Variants in VDAC1 observed in about 807,000 individuals in gnomAD.
VDAC1 encodes the protein voltage dependent anion channel 1.
A neutral mutation model predicts 34.7 loss-of-function variants in VDAC1; 10 were observed. That is an observed-to-expected ratio of 0.29 (90% CI 0.18 to 0.49). The LOEUF (loss-of-function observed/expected upper bound fraction) is 0.49, where lower values mean the gene tolerates loss of function less well. VDAC1 is among the 20% of genes least tolerant of loss of function. VDAC1 has a pLI of 0.99. For synonymous variants in VDAC1, 130 were observed against 136.0 expected, an observed-to-expected ratio of 0.96 and a Z score of 0.30; for missense variants, 230 against 347.9, an observed-to-expected ratio of 0.66 and a Z score of 2.69.
the VDAC1 span, among the ~76,000 whole-genome samples, chr5:134,099,948 G>A: frequency 1.3e-5 from 2 of 152,204 alleles, no homozygotes; most frequent in African/African-American, 2.4e-5. Flanking sequence ...GAGTGGGAAG[G>A]GGTCCATCCC....
At chr5:133,985,903 A>G (rs1188042510) in intron 5 of VDAC1, among the ~76,000 whole-genome samples, 1 of 152,238 alleles carries the variant, frequency 6.6e-6, no homozygotes, top group Non-Finnish European at 1.5e-5. Context: ...GCCTCTGACC[A>G]GTGGTGTGCA....
At chr5:134,061,945 T>G in the VDAC1 span, among the ~76,000 whole-genome samples, 1 of 151,754 alleles carries the variant, frequency 6.6e-6, no homozygotes, top group Non-Finnish European at 1.5e-5. Flanking sequence ...TTCCCTTCAA[T>G]TCTGGATTGG....
At position 133,991,167 on chromosome 5, in the gene VDAC1, G is replaced by A. The variant is rs760904114; in HGVS notation, c.118-13C>T. The A allele has an allele frequency of 6.2e-7, 1 of 1,607,330 alleles. No individual in the cohort carries two copies. Among genetic ancestry groups the A allele is most frequent in the East Asian group, 2.2e-5 (1 of 44,902 alleles). On this transcript the variant is annotated splice_polypyrimidine_tract_variant and intron_variant, in intron 3 of 8. Coordinates refer to ENST00000265333, the MANE Select transcript of VDAC1 (RefSeq NM_003374.3). ...AGCTTGTAAATTCCTTCAAAGGAGAGAGAAGAGTCACAGCCTGCACCATAG... is the reference window on the plus strand; with the variant it reads ...AGCTTGTAAATTCCTTCAAAGGAGAAAGAAGAGTCACAGCCTGCACCATAG...
the VDAC1 span, among the ~76,000 whole-genome samples, chr5:134,097,501 G>C: frequency 1.4e-3 from 220 of 152,338 alleles, no homozygotes; most frequent in Non-Finnish European, 1.9e-3. Flanking sequence ...AAAAGCCTTT[G>C]GTTGTTGAAA....
the VDAC1 span, among the ~76,000 whole-genome samples, chr5:134,084,310 G>C: frequency 3.3e-5 from 5 of 152,180 alleles, no homozygotes; most frequent in Admixed American, 3.3e-4. Flanking sequence ...CCTCTGAAAG[G>C]CCTTGTAGGG....
the VDAC1 span, among the ~76,000 whole-genome samples, chr5:134,101,495 C>T: frequency 4.7e-5 from 7 of 150,266 alleles, no homozygotes; most frequent in South Asian, 6.3e-4. Flanking sequence ...AGGAGGCTGA[C>T]GTTGCAGTGA....
At chr5:133,978,506 T>C (rs2126910569) in intron 6 of VDAC1, among the ~76,000 whole-genome samples, 1 of 152,336 alleles carries the variant, frequency 6.6e-6, no homozygotes, top group South Asian at 2.1e-4. Flanking sequence ...ACCCAGGCAC[T>C]GCCTGATTCA....
the VDAC1 span, among the ~76,000 whole-genome samples, chr5:134,036,433 C>T: frequency 6.6e-6 from 1 of 152,124 alleles, no homozygotes; most frequent in African/African-American, 2.4e-5. Flanking sequence ...TCATGAAAGA[C>T]TGGGGAACTG....
intron 1 of VDAC1, among the ~76,000 whole-genome samples, chr5:133,998,311 T>C (rs1470351199): frequency 1.3e-5 from 2 of 152,176 alleles, no homozygotes; most frequent in Admixed American, 1.3e-4. Flanking sequence ...ATTTTCATTT[T>C]TTGTTCTGCT....
At chr5:134,045,017 C>T in the VDAC1 span, among the ~76,000 whole-genome samples, 1 of 152,196 alleles carries the variant, frequency 6.6e-6, no homozygotes, top group East Asian at 1.9e-4. Context: ...ATGCCCAGAG[C>T]AGGGGCCCAG....
the VDAC1 span, among the ~76,000 whole-genome samples, chr5:134,038,778 A>G: frequency 3.3e-5 from 5 of 152,222 alleles, no homozygotes; most frequent in Admixed American, 6.5e-5. Context: ...GTAAATTCCA[A>G]AGTTATTTTG....
At chr5:133,980,689 A>ACGC (rs2126921932) in intron 6 of VDAC1, 40 bp downstream of exon 6, 224 of 563,962 alleles carry the variant, frequency 4.0e-4, no homozygotes, top group East Asian at 1.1e-3. Context: ...ACATGCTCCA[A>ACGC]CCCCACCCCT....
the VDAC1 span, among the ~76,000 whole-genome samples, chr5:134,077,099 C>T: frequency 3.3e-5 from 5 of 151,840 alleles, no homozygotes; most frequent in East Asian, 7.7e-4. Flanking sequence ...ACCAACATGG[C>T]GAAACCGTCT....
chr5:134,083,238 G>A, the VDAC1 span, among the ~76,000 whole-genome samples: 1 of 149,116 alleles, frequency 6.7e-6, no homozygotes, highest in Admixed American at 6.7e-5. Flanking sequence ...GTCCAGGCTG[G>A]AGTGCAGTGG....
the VDAC1 span, among the ~76,000 whole-genome samples, chr5:134,029,758 T>G: frequency 6.6e-6 from 1 of 152,066 alleles, no homozygotes; most frequent in African/African-American, 2.4e-5. Context: ...GGGTTAGGGA[T>G]GGTGGGAAAA....
chr5:134,006,318 G>A (rs954980619), upstream of VDAC1, among the ~76,000 whole-genome samples: 1 of 152,146 alleles, frequency 6.6e-6, no homozygotes, highest in Non-Finnish European at 1.5e-5. Flanking sequence ...AGGGAGGCCG[G>A]GCGGGACAAG....
chr5:134,003,109 G>A (rs1185957301), intron 1 of VDAC1, among the ~76,000 whole-genome samples: 1 of 152,184 alleles, frequency 6.6e-6, no homozygotes, highest in East Asian at 1.9e-4. Context: ...GTAAAGATGG[G>A]TGGATTCTGA....
the VDAC1 span, among the ~76,000 whole-genome samples, chr5:134,074,169 G>T: frequency 6.6e-6 from 1 of 151,890 alleles, no homozygotes; most frequent in Non-Finnish European, 1.5e-5. Flanking sequence ...AAAATTACTT[G>T]GGCGTGGTGG....
At chr5:134,036,124 G>A in the VDAC1 span, among the ~76,000 whole-genome samples, 1 of 151,968 alleles carries the variant, frequency 6.6e-6, no homozygotes, top group Non-Finnish European at 1.5e-5. Flanking sequence ...TATAATATTT[G>A]GATCATCTCC....
Sources: gnomAD v4.1 joint callset for allele counts (sites outside exome capture counted in the v4.1 genomes callset) on GRCh38, gnomAD v4.1.1 for gene constraint, MANE v1.5 for transcripts, NCBI Gene and HGNC (gene_info 2026-07-23, HGNC 2026-07-21) for gene names.